ARHGAP22: variants seen among roughly 807,000 people sequenced by gnomAD.
The protein encoded by ARHGAP22 is rho GTPase-activating protein 22.
Under a neutral mutation model 59.1 loss-of-function variants are expected in ARHGAP22, and 48 were observed. The observed-to-expected ratio is 0.81, with a 90% CI of 0.64 to 1.03. ARHGAP22 has a LOEUF of 1.03. Among genes scored for constraint, ARHGAP22 ranks in the 50% least tolerant of loss-of-function variants. The probability of loss-of-function intolerance (pLI) is 0.00; values close to 1 mark genes in which losing one functional copy is unlikely to be tolerated. For missense variants in ARHGAP22, 1,015 were observed against 958.7 expected (o/e 1.06, Z -0.78); for synonymous variants, 445 against 416.4 (o/e 1.07, Z -0.84).
intron 4 of ARHGAP22, chr10:48,479,300 A>C: frequency 2.4e-6 from 1 of 423,304 alleles, no homozygotes; most frequent in Non-Finnish European, 4.2e-6. Context: ...GGACACCACG[A>C]GACACATGTC....
rs762052644 is a variant in ARHGAP22 at position 48,450,820 on chromosome 10, A to G, written c.1309T>C (p.Ser437Pro). ...SWKSSFRQPRSLSGSPKGGGS... is the reference protein window; with the variant it reads ...SWKSSFRQPRPLSGSPKGGGS... Reference sequence around the variant, plus strand: ...CCCCCCTTCGGGCTTCCCGATAGGGACCTCGGCTGCCGGAAGGAGGACTTC... The same window carrying G: ...CCCCCCTTCGGGCTTCCCGATAGGGGCCTCGGCTGCCGGAAGGAGGACTTC... The change falls in exon 9 of 10, where the codon TCC (serine) becomes CCC (proline). Residue 437 changes from serine (S) to proline (P), a missense_variant. Coordinates refer to ENST00000249601, the MANE Select transcript of ARHGAP22 (RefSeq NM_021226.4). 6.3e-7 allele frequency: 1 copy of G among 1,585,582 alleles called. No homozygotes were observed. Among genetic ancestry groups the G allele is most frequent in the Non-Finnish European group, 8.6e-7 (1 of 1,166,706 alleles).
intron 5 of ARHGAP22, among the ~76,000 whole-genome samples, chr10:48,459,118 C>T (rs1428562639): frequency 2.0e-5 from 3 of 149,828 alleles, no homozygotes; most frequent in Admixed American, 1.3e-4. Context: ...AATCCCCAAA[C>T]GGCCCTAGGC....
At chr10:48,604,654 A>G in intron 1 of ARHGAP22, 109 bp downstream of exon 1, 1 of 1,561,906 alleles carries the variant, frequency 6.4e-7, no homozygotes, top group South Asian at 1.1e-5. Context: ...CAATGGTCCC[A>G]GAACGCCCGC....
intron 3 of ARHGAP22, among the ~76,000 whole-genome samples, chr10:48,511,865 C>T (rs114046200): frequency 6.6e-6 from 1 of 152,216 alleles, no homozygotes. Context: ...TCCTCTCTGC[C>T]GCTTCTGTGG....
chr10:48,584,114 T>C (rs532408737), intron 1 of ARHGAP22, among the ~76,000 whole-genome samples: 11 of 152,360 alleles, frequency 7.2e-5, no homozygotes, highest in African/African-American at 2.2e-4. Context: ...TCTTGAACTC[T>C]GGAGAAATAA....
intron 1 of ARHGAP22, among the ~76,000 whole-genome samples, chr10:48,595,088 T>C (rs956753919): frequency 1.3e-5 from 2 of 152,208 alleles, no homozygotes; most frequent in Non-Finnish European, 2.9e-5. Context: ...AGATACTCCC[T>C]GGGGTGAGGC....
intron 2 of ARHGAP22, among the ~76,000 whole-genome samples, chr10:48,582,306 A>G (rs977070980): frequency 2.6e-5 from 4 of 152,202 alleles, no homozygotes; most frequent in Non-Finnish European, 1.5e-5. Flanking sequence ...AACCCATCAC[A>G]GGGACTGGAT....
At chr10:48,475,190 T>C (rs1324968917) in intron 4 of ARHGAP22, among the ~76,000 whole-genome samples, 3 of 152,226 alleles carry the variant, frequency 2.0e-5, no homozygotes, top group Admixed American at 2.0e-4. Flanking sequence ...GGTTGATCTA[T>C]CAGCAGCACT....
At chr10:48,505,367 G>A (rs1045180676) in intron 3 of ARHGAP22, among the ~76,000 whole-genome samples, 2 of 152,168 alleles carry the variant, frequency 1.3e-5, no homozygotes, top group African/African-American at 4.8e-5. Flanking sequence ...GTAATTGTAA[G>A]CATCAAACAA....
chr10:48,571,277 C>T (rs561728954), intron 2 of ARHGAP22, among the ~76,000 whole-genome samples: 5 of 152,216 alleles, frequency 3.3e-5, no homozygotes, highest in Admixed American at 6.5e-5. Context: ...GAAGACAAAT[C>T]GGGGAGTCTG....
rs1186695051 is a variant in ARHGAP22 at position 48,450,881 on chromosome 10, G to A, written c.1248C>T (p.Cys416=). 1.9e-6 allele frequency: 3 copies of A among 1,587,782 alleles called. No individual in the cohort carries two copies. The East Asian group carries it at 6.7e-5, about 36-fold the overall frequency. Residue 416 remains cysteine, a synonymous_variant, in exon 9 of 10, where the codon TGC becomes TGT. Transcript: ENST00000249601. The part of the protein sequence containing the change: ...RTAPTGPGSR[C]SPGKKVQTLP... ...GGGTCTGCACCTTCTTCCCAGGGCT[G>A]CACCGGCTCCCCGGCCCCGTGGGGG...
intron 1 of ARHGAP22, among the ~76,000 whole-genome samples, chr10:48,636,412 G>A (rs2061818794): frequency 6.6e-6 from 1 of 152,166 alleles, no homozygotes; most frequent in Non-Finnish European, 1.5e-5. Flanking sequence ...TATGGCCCTG[G>A]TCCTCTTCCA....
chr10:48,460,432 C>T (rs1289311038), intron 4 of ARHGAP22, among the ~76,000 whole-genome samples: 1 of 152,194 alleles, frequency 6.6e-6, no homozygotes, highest in Non-Finnish European at 1.5e-5. Flanking sequence ...CTATCTGATA[C>T]CACCTCACAC....
Position 48,454,018 on chromosome 10 carries a change from C to T in ARHGAP22, c.866+70G>A, listed in dbSNP as rs1254843651. On this transcript the variant is annotated intron_variant, in intron 7 of 9. Transcript: ENST00000249601. ...CCTCTGACAAGGAAGAGTTGCGTGT[C>T]TCGCTGTGGGGTTGGGGGAGCGTGG... is the stretch of plus-strand genomic sequence containing the variant. The T allele has an allele frequency of 3.3e-6, 5 of 1,495,626 alleles. No individual in the cohort carries two copies. The Admixed American group carries it at 5.0e-5, about 15-fold the overall frequency. The allele number at this position is 1,495,626 out of a possible 1,614,324, so 92.6% of individuals were successfully genotyped here. A position where few individuals can be genotyped will look rare whatever the true frequency, so the allele number is the denominator to read the frequency against.
chr10:48,583,150 G>C lies in ARHGAP22; in HGVS notation c.37C>G (p.Arg13Gly). The stretch of plus-strand genomic sequence containing the variant: ...TCCCCCATCACTAGGCTTTTGGAGC[G>C]GGCTGAAAGCCAAGGACACACAGAG... Reference protein sequence around the residue: ...SPKIRQARRARSKSLVMGEQS... With the variant: ...SPKIRQARRAGSKSLVMGEQS... Residue 13 changes from arginine (R) to glycine (G), a missense_variant and splice_region_variant, in exon 2 of 10, where the codon CGC becomes GGC. Transcript: ENST00000249601. 6.2e-7 allele frequency: 1 copy of C among 1,613,598 alleles called. No homozygotes were observed. The highest frequency in any genetic ancestry group is 8.5e-7 in the Non-Finnish European group (1 of 1,179,794).
intron 4 of ARHGAP22, among the ~76,000 whole-genome samples, chr10:48,466,340 C>G (rs116214490): frequency 1.3e-5 from 2 of 152,054 alleles, no homozygotes; most frequent in African/African-American, 4.8e-5. Context: ...TTGAAGGACG[C>G]CTCCGGTCCC....
chr10:48,522,710 G>A (rs1255460602), intron 3 of ARHGAP22, among the ~76,000 whole-genome samples: 3 of 152,134 alleles, frequency 2.0e-5, no homozygotes, highest in Admixed American at 1.3e-4. Flanking sequence ...CAGGGCTCTC[G>A]GCCCCTGCTT....
chr10:48,575,998 C>T (rs777299573), intron 2 of ARHGAP22, among the ~76,000 whole-genome samples: 4 of 152,172 alleles, frequency 2.6e-5, no homozygotes, highest in Non-Finnish European at 5.9e-5. Context: ...TATAAGCAAC[C>T]CACAACCTTC....
chr10:48,646,361 C>T (rs915852634), intron 1 of ARHGAP22, among the ~76,000 whole-genome samples: 2 of 152,040 alleles, frequency 1.3e-5, no homozygotes, highest in Non-Finnish European at 2.9e-5. Context: ...TATATAAAAA[C>T]ACAAAGGGCC....
Sources: gnomAD v4.1 joint callset for allele counts (sites outside exome capture counted in the v4.1 genomes callset) on GRCh38, gnomAD v4.1.1 for gene constraint, MANE v1.5 for transcripts, NCBI Gene and HGNC (gene_info 2026-07-23, HGNC 2026-07-21) for gene names.